The following PDK1 variants were observed in gnomAD, a reference collection of about 807,000 sequenced individuals.
The protein encoded by PDK1 is [Pyruvate dehydrogenase (acetyl-transferring)] kinase isozyme 1, mitochondrial.
Under a neutral mutation model 54.2 loss-of-function variants are expected in PDK1, and 39 were observed. The ratio of observed to expected loss-of-function variants is 0.72; its 90% CI spans 0.56 to 0.94. The LOEUF (loss-of-function observed/expected upper bound fraction) is 0.94, where lower values mean the gene tolerates loss of function less well. Among genes scored for constraint, PDK1 ranks in the 40% least tolerant of loss-of-function variants. The pLI is 0.00. For missense variants in PDK1, 552 were observed against 566.0 expected, an observed-to-expected ratio of 0.98 and a Z score of 0.25; for synonymous variants, 221 against 207.1, an observed-to-expected ratio of 1.07 and a Z score of -0.58.
chr2:172,581,910 T>TTG (rs1180553277), intron 8 of PDK1, among the ~76,000 whole-genome samples: 4 of 152,066 alleles, frequency 2.6e-5, no homozygotes, highest in South Asian at 2.1e-4. Context: ...TGTCTTTTTT[T>TTG]TGTGTGTGTG....
chr2:172,711,649 G>A, the PDK1 span, among the ~76,000 whole-genome samples: 1 of 151,978 alleles, frequency 6.6e-6, no homozygotes, highest in Admixed American at 6.6e-5. Flanking sequence ...TGAATCCCTT[G>A]AGTCCAGGAA....
chr2:172,668,906 T>TATATATAGAGAG, the PDK1 span, among the ~76,000 whole-genome samples: 1 of 130,650 alleles, frequency 7.7e-6, no homozygotes, highest in African/African-American at 2.9e-5. Flanking sequence ...TATATATATA[T>TATATATAGAGAG]AGAGAGAGAG....
At chr2:172,586,508 AG>A (rs1690238635) in intron 9 of PDK1, 120 bp downstream of exon 9, 5 of 558,478 alleles carry the variant, frequency 9.0e-6, no homozygotes, top group Non-Finnish European at 1.3e-5. Flanking sequence ...AGAAGCTCTT[AG>A]AAATGCACAC....
At chr2:172,697,613 T>C in the PDK1 span, among the ~76,000 whole-genome samples, 2 of 152,222 alleles carry the variant, frequency 1.3e-5, no homozygotes, top group Non-Finnish European at 2.9e-5. Flanking sequence ...TTAGAGATGT[T>C]AATTAACCCC....
chr2:172,565,549 C>A (rs1158939471), intron 5 of PDK1, among the ~76,000 whole-genome samples: 1 of 151,882 alleles, frequency 6.6e-6, no homozygotes. Context: ...TGCCTGCCTG[C>A]CTCGGCCTCC....
At chr2:172,622,428 GAT>G in the PDK1 span, among the ~76,000 whole-genome samples, 13 of 144,796 alleles carry the variant, frequency 9.0e-5, no homozygotes, top group Admixed American at 6.9e-4. Context: ...TATCATGTGA[GAT>G]ATGTTTATAT....
intron 8 of PDK1, among the ~76,000 whole-genome samples, chr2:172,586,072 T>A (rs543343390): frequency 6.7e-6 from 1 of 148,542 alleles, no homozygotes; most frequent in African/African-American, 2.5e-5. Flanking sequence ...GGCAGGAGAA[T>A]GGCATGAACC....
the PDK1 span, among the ~76,000 whole-genome samples, chr2:172,702,602 G>GC: frequency 7.3e-6 from 1 of 137,132 alleles, no homozygotes; most frequent in East Asian, 2.1e-4. Flanking sequence ...CCTCCTAACT[G>GC]CCTTTTTTTT....
the PDK1 span, among the ~76,000 whole-genome samples, chr2:172,712,800 C>T: frequency 0.66 from 99,843 of 152,094 alleles, 35,969 homozygotes; most frequent in Non-Finnish European, 0.81. Flanking sequence ...TGTTTTGGGC[C>T]TGTTTGTGTT....
chr2:172,681,626 G>A, the PDK1 span, among the ~76,000 whole-genome samples: 3 of 152,136 alleles, frequency 2.0e-5, no homozygotes, highest in Non-Finnish European at 2.9e-5. Flanking sequence ...TTCTAGTTGC[G>A]GAAGATAGAC....
At chr2:172,563,945 A>G (rs1387093498) in intron 3 of PDK1, 1 of 460,418 alleles carries the variant, frequency 2.2e-6, no homozygotes, top group African/African-American at 2.0e-5. Flanking sequence ...CTTTTAATAT[A>G]ATTGTTTACT....
At chr2:172,618,832 G>A in the PDK1 span, among the ~76,000 whole-genome samples, 4 of 152,320 alleles carry the variant, frequency 2.6e-5, no homozygotes, top group African/African-American at 9.6e-5. Context: ...GAGTTCCAGA[G>A]TTGGGGATGG....
At chr2:172,701,460 G>A in the PDK1 span, among the ~76,000 whole-genome samples, 1 of 152,176 alleles carries the variant, frequency 6.6e-6, no homozygotes, top group African/African-American at 2.4e-5. Flanking sequence ...TCATGGGATG[G>A]TTGATGCAGG....
At chr2:172,625,253 A>G in the PDK1 span, among the ~76,000 whole-genome samples, 264 of 152,300 alleles carry the variant, frequency 1.7e-3, 5 homozygotes, top group African/African-American at 6.0e-3. Flanking sequence ...TAGTATGTCT[A>G]AAATTCCAGG....
At chr2:172,580,351 G>T (rs955444601) in intron 8 of PDK1, among the ~76,000 whole-genome samples, 3 of 151,700 alleles carry the variant, frequency 2.0e-5, no homozygotes, top group African/African-American at 7.3e-5. Context: ...TTGGTCTTCT[G>T]GTTTGGGGCT....
chr2:172,694,057 C>T, the PDK1 span, among the ~76,000 whole-genome samples: 1 of 152,294 alleles, frequency 6.6e-6, no homozygotes. Flanking sequence ...GGGTGTCCCA[C>T]CTCCGTGTGG....
the PDK1 span, among the ~76,000 whole-genome samples, chr2:172,708,769 TTATACA>T: frequency 6.6e-6 from 1 of 152,224 alleles, no homozygotes; most frequent in African/African-American, 2.4e-5. Flanking sequence ...CATATTCACC[TTATACA>T]TATAGGCTGA....
the PDK1 span, among the ~76,000 whole-genome samples, chr2:172,644,948 A>C: frequency 8.6e-6 from 1 of 116,496 alleles, no homozygotes; most frequent in South Asian, 3.5e-4. Context: ...TCTGTAAAAT[A>C]CAGATAATAT....
At chr2:172,710,667 T>C in the PDK1 span, among the ~76,000 whole-genome samples, 1 of 152,220 alleles carries the variant, frequency 6.6e-6, no homozygotes, top group African/African-American at 2.4e-5. Flanking sequence ...CATGTTTTCC[T>C]TCTTTTCTCT....
Sources: gnomAD v4.1 joint callset for allele counts (sites outside exome capture counted in the v4.1 genomes callset) on GRCh38, gnomAD v4.1.1 for gene constraint, MANE v1.5 for transcripts, NCBI Gene and HGNC (gene_info 2026-07-23, HGNC 2026-07-21) for gene names.